CMSS1: variants seen among roughly 807,000 people sequenced by gnomAD.
The protein encoded by CMSS1 is cms1 ribosomal small subunit homolog.
In CMSS1, 33 loss-of-function variants were observed where a neutral mutation model predicts 43.5. The observed-to-expected ratio is 0.76, with a 90% CI of 0.57 to 1.01. The LOEUF is 1.01. CMSS1 is among the 50% of genes least tolerant of loss of function. The pLI, the probability that CMSS1 is intolerant of heterozygous loss-of-function variation, is 0.00. For missense variants in CMSS1, 313 were observed against 326.4 expected (o/e 0.96, Z 0.32); for synonymous variants, 115 against 117.2 (o/e 0.98, Z 0.12).
intron 1 of CMSS1, chr3:100,141,559 G>T (rs778571811): frequency 8.8e-6 from 4 of 456,008 alleles, no homozygotes; most frequent in Middle Eastern, 6.5e-4. Context: ...AAGAGTTTGT[G>T]CAAGCAAATA....
intron 1 of CMSS1, among the ~76,000 whole-genome samples, chr3:99,872,067 T>C (rs1944816848): frequency 6.6e-6 from 1 of 152,164 alleles, no homozygotes; most frequent in Admixed American, 6.5e-5. Context: ...TTCTCCTCTC[T>C]TCCTAGCACT....
intron 1 of CMSS1, among the ~76,000 whole-genome samples, chr3:100,143,989 T>C (rs1224080829): frequency 1.3e-5 from 2 of 152,196 alleles, no homozygotes; most frequent in Non-Finnish European, 2.9e-5. Flanking sequence ...CAGCATATAG[T>C]TCGGTCATAT....
At chr3:99,881,619 G>A (rs1016047522) in intron 1 of CMSS1, among the ~76,000 whole-genome samples, 5 of 151,360 alleles carry the variant, frequency 3.3e-5, no homozygotes, top group South Asian at 4.2e-4. Flanking sequence ...TGCAACCTCC[G>A]ACTCCTGGGT....
chr3:99,897,963 A>T (rs1466456564), intron 1 of CMSS1, among the ~76,000 whole-genome samples: 1 of 152,252 alleles, frequency 6.6e-6, no homozygotes, highest in Non-Finnish European at 1.5e-5. Context: ...AACTCTATTA[A>T]GAAAAGATAT....
chr3:99,985,720 A>G (rs1450929466), intron 1 of CMSS1, among the ~76,000 whole-genome samples: 1 of 151,802 alleles, frequency 6.6e-6, no homozygotes, highest in Admixed American at 6.6e-5. Context: ...TCCTGAGTAA[A>G]TGGGATTACA....
chr3:99,995,087 G>T (rs7640817), intron 1 of CMSS1, among the ~76,000 whole-genome samples: 2 of 152,098 alleles, frequency 1.3e-5, no homozygotes, highest in South Asian at 2.1e-4. Context: ...CCCAAAACGC[G>T]CAGTCCAAAG....
intron 1 of CMSS1, among the ~76,000 whole-genome samples, chr3:99,897,800 C>T (rs1706306941): frequency 6.6e-6 from 1 of 152,128 alleles, no homozygotes; most frequent in South Asian, 2.1e-4. Flanking sequence ...TAGAGGGATT[C>T]TGTAAGAGAA....
chr3:100,070,617 G>GT (rs2065745341), intron 1 of CMSS1, among the ~76,000 whole-genome samples: 2 of 151,952 alleles, frequency 1.3e-5, no homozygotes, highest in African/African-American at 4.8e-5. Context: ...ATCATCGTGG[G>GT]GTTTTTTTGT....
At position 99,938,604 on chromosome 3, in the gene CMSS1, T is replaced by A. The variant is rs537978828; in HGVS notation, c.64+120561T>A. ...CTATCTTTACACAGAACCTTTAAGC[T>A]AAGATTTAGTTCCCTGAAAGAATGG... On this transcript the variant is annotated intron_variant, in intron 1 of 9. Transcript: ENST00000421999. Among the ~76,000 whole-genome samples, 228 of 152,328 alleles carry A rather than the reference T, an allele frequency of 1.5e-3. 1 individual carries two copies. Among genetic ancestry groups the A allele is most frequent in the Non-Finnish European group, 2.2e-3 (148 of 68,026 alleles).
intron 1 of CMSS1, chr3:99,849,521 C>G: frequency 6.2e-7 from 1 of 1,613,320 alleles, no homozygotes. Context: ...AATGCATCCA[C>G]TTCTCTTGAG....
At chr3:100,037,937 T>TTC (rs1359649858) in intron 1 of CMSS1, among the ~76,000 whole-genome samples, 1 of 143,980 alleles carries the variant, frequency 6.9e-6, no homozygotes, top group Non-Finnish European at 1.5e-5. Context: ...TTAATCGCTT[T>TTC]TCTTTTTTTT....
At chr3:99,898,489 A>G (rs1255983071) in intron 1 of CMSS1, 1 of 152,262 alleles carries the variant, frequency 6.6e-6, no homozygotes, top group Non-Finnish European at 1.5e-5. Flanking sequence ...TGTGCAAGTC[A>G]AGCGCGTTGG....
At chr3:99,864,952 G>T (rs1226600276) in intron 1 of CMSS1, among the ~76,000 whole-genome samples, 1 of 152,090 alleles carries the variant, frequency 6.6e-6, no homozygotes, top group Admixed American at 6.5e-5. Context: ...TCAATCATTG[G>T]TCTATTTTGT....
chr3:100,067,164 CTCGT>C (rs2065680276), intron 1 of CMSS1, among the ~76,000 whole-genome samples: 3 of 129,954 alleles, frequency 2.3e-5, no homozygotes, highest in Admixed American at 1.6e-4. Flanking sequence ...TGTTTTTGAT[CTCGT>C]TTGTTTGTTT....
intron 1 of CMSS1, among the ~76,000 whole-genome samples, chr3:99,878,928 A>C (rs987257792): frequency 6.6e-6 from 1 of 152,178 alleles, no homozygotes; most frequent in African/African-American, 2.4e-5. Flanking sequence ...TGGTTTCTGA[A>C]ATTTTCTTCA....
At position 99,817,891 on chromosome 3, in the gene CMSS1, A is replaced by G. The variant is rs902735416; in HGVS notation, c.-89A>G. 7.1e-6 allele frequency: 10 copies of G among 1,406,492 alleles called. No individual in the cohort carries two copies. Among genetic ancestry groups the G allele is most frequent in the African/African-American group, 5.7e-5 (4 of 70,770 alleles). The allele number at this position is 1,406,492 out of a possible 1,614,324, so 87.1% of individuals were successfully genotyped here. On this transcript the variant is annotated 5_prime_UTR_variant, in exon 1 of 10. Coordinates refer to ENST00000421999, the MANE Select transcript of CMSS1 (RefSeq NM_032359.4). Reference sequence around the variant, plus strand: ...TCTAGCGGGAGCTCCGCGTGTAGCTACGCCGGCCGCCTGGCTTTGAGACAA... The same window carrying G: ...TCTAGCGGGAGCTCCGCGTGTAGCTGCGCCGGCCGCCTGGCTTTGAGACAA...
chr3:99,881,338 A>G (rs1421902839), intron 1 of CMSS1, among the ~76,000 whole-genome samples: 3 of 152,158 alleles, frequency 2.0e-5, no homozygotes, highest in Non-Finnish European at 2.9e-5. Flanking sequence ...GTAACTAATA[A>G]TAGTTTTGAG....
intron 1 of CMSS1, among the ~76,000 whole-genome samples, chr3:99,913,357 T>A (rs1553695886): frequency 6.6e-6 from 1 of 152,254 alleles, no homozygotes; most frequent in Non-Finnish European, 1.5e-5. Context: ...TCCTTGTCAA[T>A]ACTTGTTATT....
At chr3:100,008,260 T>C (rs1559723334) in intron 1 of CMSS1, among the ~76,000 whole-genome samples, 1 of 152,142 alleles carries the variant, frequency 6.6e-6, no homozygotes, top group African/African-American at 2.4e-5. Flanking sequence ...GCTTCCCAAT[T>C]AGATTCCCTG....
Sources: gnomAD v4.1 joint callset for allele counts (sites outside exome capture counted in the v4.1 genomes callset) on GRCh38, gnomAD v4.1.1 for gene constraint, MANE v1.5 for transcripts, NCBI Gene and HGNC (gene_info 2026-07-23, HGNC 2026-07-21) for gene names.